Variants in RBM46 observed in about 807,000 individuals in gnomAD.
RBM46 encodes probable RNA-binding protein 46.
RBM46 carries 12 observed loss-of-function variants against 43.3 expected under a neutral mutation model. The observed-to-expected ratio is 0.28, with a 90% confidence interval of 0.18 to 0.45. The LOEUF (loss-of-function observed/expected upper bound fraction) is 0.45. RBM46 is among the 20% of genes least tolerant of loss of function. The pLI is 1.00. For synonymous variants in RBM46, 205 were observed against 207.6 expected (o/e 0.99, Z 0.11); for missense variants, 412 against 639.1 (o/e 0.64, Z 3.83).
intron 4 of RBM46, among the ~76,000 whole-genome samples, chr4:154,817,457 C>T (rs996498824): frequency 6.6e-5 from 10 of 151,314 alleles, no homozygotes; most frequent in Non-Finnish European, 1.3e-4. Flanking sequence ...CTCAGCCTCC[C>T]GAGTAGCTGG....
intron 4 of RBM46, among the ~76,000 whole-genome samples, chr4:154,826,080 G>C (rs1735942874): frequency 6.6e-6 from 1 of 151,120 alleles, no homozygotes; most frequent in East Asian, 1.9e-4. Context: ...AGTTACTTGG[G>C]AATACATGGA....
rs540358636 is a variant in RBM46, at chr4:154,800,389, G to T, written c.1402+825G>T. The stretch of plus-strand genomic sequence containing the variant: ...AAATTTGTCATTATCACTCATGAAA[G>T]ACAAAAAGCATCATTAAGAGATGTT... On this transcript the variant is annotated intron_variant, in intron 4 of 4. Coordinates refer to ENST00000281722, the MANE Select transcript of RBM46 (RefSeq NM_144979.5). Among the ~76,000 whole-genome samples, 6 of 152,140 alleles carry T rather than the reference G, an allele frequency of 3.9e-5. No homozygotes were observed. In the East Asian group the frequency reaches 1.2e-3, roughly 29 times the overall value.
At chr4:154,792,558 A>G (rs113569985) in intron 1 of RBM46, among the ~76,000 whole-genome samples, 3 of 152,274 alleles carry the variant, frequency 2.0e-5, no homozygotes, top group African/African-American at 7.2e-5. Flanking sequence ...ACCCTTTTCA[A>G]TGTCTGGTAG....
At chr4:154,825,510 C>T (rs568947219) in intron 4 of RBM46, among the ~76,000 whole-genome samples, 3 of 152,156 alleles carry the variant, frequency 2.0e-5, no homozygotes, top group African/African-American at 4.8e-5. Context: ...ACTTCTGAAA[C>T]CTTTTGTTTC....
intron 1 of RBM46, chr4:154,781,929 C>G (rs1733498495): frequency 1.3e-5 from 2 of 152,330 alleles, no homozygotes; most frequent in African/African-American, 4.8e-5. Flanking sequence ...GTCCCGACGG[C>G]TGGGTGAGAT....
chr4:154,794,145 A>G (rs998628178), intron 1 of RBM46, among the ~76,000 whole-genome samples: 1 of 149,232 alleles, frequency 6.7e-6, no homozygotes, highest in Non-Finnish European at 1.5e-5. Flanking sequence ...CCATGCCACC[A>G]TCATCTCTTG....
chr4:154,800,591 A>G (rs969991062), intron 4 of RBM46, among the ~76,000 whole-genome samples: 3 of 151,980 alleles, frequency 2.0e-5, no homozygotes, highest in Admixed American at 2.0e-4. Context: ...TCTGTTTTTT[A>G]CTGTTAGGTT....
At chr4:154,798,666 C>A in intron 3 of RBM46, 116 bp from the exon 4 acceptor site, 3 of 796,352 alleles carry the variant, frequency 3.8e-6, no homozygotes, top group Non-Finnish European at 5.3e-6. Context: ...AATGCTTAAC[C>A]AAATTTATTG....
intron 4 of RBM46, among the ~76,000 whole-genome samples, chr4:154,812,017 CTTT>C (rs76513488): frequency 3.0e-5 from 4 of 133,130 alleles, no homozygotes; most frequent in African/African-American, 5.5e-5. Context: ...CACTTCTTTA[CTTT>C]TTTTTTTTTT....
intron 4 of RBM46, among the ~76,000 whole-genome samples, chr4:154,809,760 C>G (rs1485167954): frequency 6.6e-6 from 1 of 152,022 alleles, no homozygotes; most frequent in Admixed American, 6.6e-5. Context: ...ATGGTTTTTA[C>G]TGGTAAGGGT....
At chr4:154,795,590 C>A (rs917217667) in intron 1 of RBM46, among the ~76,000 whole-genome samples, 2 of 151,980 alleles carry the variant, frequency 1.3e-5, no homozygotes, top group Non-Finnish European at 2.9e-5. Flanking sequence ...GCCTCAAACT[C>A]CCAGGTACCT....
At chr4:154,795,432 G>A (rs1734302092) in intron 1 of RBM46, among the ~76,000 whole-genome samples, 2 of 152,014 alleles carry the variant, frequency 1.3e-5, no homozygotes, top group Non-Finnish European at 1.5e-5. Flanking sequence ...CTTAGTTTTT[G>A]TGGATTTTTT....
rs761851365 is a variant in RBM46 at position 154,799,182 on chromosome 4, C to A, written c.1020C>A (p.His340Gln). 1.9e-6 allele frequency: 3 copies of A among 1,614,090 alleles called. No individual in the cohort carries two copies. Among genetic ancestry groups the A allele is most frequent in the Non-Finnish European group, 1.7e-6 (2 of 1,180,022 alleles). The change falls in exon 4 of 5, where the codon CAC becomes CAA. Residue 340 changes from histidine (H) to glutamine (Q), a missense_variant. Around this residue, in one of 8 missense-constraint regions of RBM46, gnomAD observed 105 missense variants for 111.0 expected, o/e 0.95. Coordinates refer to ENST00000281722, the MANE Select transcript of RBM46 (RefSeq NM_144979.5). ...TGTTTGCTAACAAAGAAGAGAGCCA[C>A]CCAAAAACTCTAGGCAAGCTGCCAA... ...LIVFANKEESHPKTLGKLPTL... is the reference protein window; with the variant it reads ...LIVFANKEESQPKTLGKLPTL...
intron 4 of RBM46, among the ~76,000 whole-genome samples, chr4:154,808,733 AT>A (rs1735034657): frequency 6.6e-6 from 1 of 152,078 alleles, no homozygotes; most frequent in Non-Finnish European, 1.5e-5. Flanking sequence ...GTTCTGCACT[AT>A]AAATAATTCA....
intron 1 of RBM46, among the ~76,000 whole-genome samples, chr4:154,786,226 A>G (rs753240386): frequency 5.3e-5 from 8 of 152,116 alleles, no homozygotes; most frequent in Non-Finnish European, 1.2e-4. Context: ...AGCTGGGATT[A>G]CAGGCGCATG....
chr4:154,798,227 G>C lies in RBM46; in HGVS notation c.568G>C (p.Glu190Gln). The change falls in exon 3 of 5, where the codon GAA becomes CAA. Residue 190 changes from glutamate to glutamine, a missense_variant. Coordinates refer to ENST00000281722, the MANE Select transcript of RBM46 (RefSeq NM_144979.5). ...CAAAAATCGTGGTTTTGCATTTGTG[G>C]AATATGAATCTCACAGAGCTGCTGC... is the stretch of plus-strand genomic sequence containing the variant. ...KTKNRGFAFV[E>Q]YESHRAAAMA... The C allele has an allele frequency of 1.2e-6, 2 of 1,610,510 alleles. No homozygotes were observed. The highest frequency in any genetic ancestry group is 1.7e-6 in the Non-Finnish European group (2 of 1,178,812).
intron 1 of RBM46, among the ~76,000 whole-genome samples, chr4:154,786,538 C>T (rs1733776013): frequency 6.6e-6 from 1 of 152,118 alleles, no homozygotes; most frequent in South Asian, 2.1e-4. Flanking sequence ...ATAATACAGA[C>T]ATAAGACTTT....
chr4:154,789,236 G>C (rs1733952734), intron 1 of RBM46, among the ~76,000 whole-genome samples: 1 of 152,160 alleles, frequency 6.6e-6, no homozygotes, highest in African/African-American at 2.4e-5. Context: ...GTAAGAGAGG[G>C]CATCCCTGTC....
At position 154,820,926 on chromosome 4, in the gene RBM46, CT is replaced by C. The variant is rs200870297; in HGVS notation, c.1403-6935del. 9.9e-3 allele frequency among the ~76,000 whole-genome samples: 1,502 copies of C among 151,796 alleles called. 14 individuals are homozygous for C. The highest frequency in any genetic ancestry group is 0.034 in the African/African-American group (1,418 of 41,502). On this transcript the variant is annotated intron_variant, in intron 4 of 4. Coordinates refer to ENST00000281722, the MANE Select transcript of RBM46 (RefSeq NM_144979.5). ...AGTCAAGATTATTACCTCACAAAGTCTTTTTTTACATGTAGAGGCAAAAGAA... is the reference window on the plus strand; with the variant it reads ...AGTCAAGATTATTACCTCACAAAGTCTTTTTTACATGTAGAGGCAAAAGAA...
Sources: gnomAD v4.1 joint callset for allele counts (sites outside exome capture counted in the v4.1 genomes callset) on GRCh38, gnomAD v4.1.1 for gene constraint, gnomAD v4.1.1 regional missense constraint, MANE v1.5 for transcripts, NCBI Gene and HGNC (gene_info 2026-07-23, HGNC 2026-07-21) for gene names.